The following RASGRF2 variants were observed in gnomAD, a reference collection of about 807,000 sequenced individuals.
RASGRF2 encodes the protein Ras protein specific guanine nucleotide releasing factor 2.
A neutral mutation model predicts 151.0 loss-of-function variants in RASGRF2; 76 were observed. The ratio of observed to expected loss-of-function variants is 0.50; its 90% CI spans 0.42 to 0.61. The LOEUF is 0.61. RASGRF2 is among the 20% of genes least tolerant of loss of function. RASGRF2 has a pLI of 0.00. For missense variants in RASGRF2, 1,148 were observed against 1,564.6 expected (o/e 0.73, Z 4.49); for synonymous variants, 504 against 566.5 (o/e 0.89, Z 1.57).
chr5:81,054,802 T>A (rs1301151536), intron 2 of RASGRF2, among the ~76,000 whole-genome samples: 2 of 145,644 alleles, frequency 1.4e-5, no homozygotes, highest in African/African-American at 5.2e-5. Flanking sequence ...TTTATTTCGT[T>A]GAGCAGTGGT....
At chr5:81,094,426 TA>T in intron 11 of RASGRF2, 64 bp downstream of exon 11, 2 of 1,431,412 alleles carry the variant, frequency 1.4e-6, no homozygotes, top group Non-Finnish European at 1.9e-6. Context: ...AGGCTGAGGA[TA>T]AACTCCCTAA....
chr5:80,981,514 CGT>C (rs746647844), intron 1 of RASGRF2, among the ~76,000 whole-genome samples: 76 of 151,058 alleles, frequency 5.0e-4, no homozygotes, highest in African/African-American at 1.7e-3. Context: ...TGTGTGAGTA[CGT>C]GTGTGTGTGT....
chr5:80,972,807 C>A (rs1372937343), intron 1 of RASGRF2, among the ~76,000 whole-genome samples: 1 of 152,166 alleles, frequency 6.6e-6, no homozygotes, highest in Non-Finnish European at 1.5e-5. Flanking sequence ...GCTTGTTCAA[C>A]CTTTACCCAT....
At chr5:81,143,552 CT>C (rs1208582188) in intron 17 of RASGRF2, among the ~76,000 whole-genome samples, 3 of 152,162 alleles carry the variant, frequency 2.0e-5, no homozygotes, top group Non-Finnish European at 4.4e-5. Flanking sequence ...CTCTCACTAT[CT>C]AATGATGATT....
intron 17 of RASGRF2, among the ~76,000 whole-genome samples, chr5:81,141,224 G>T (rs549336343): frequency 6.6e-6 from 1 of 152,282 alleles, no homozygotes; most frequent in South Asian, 2.1e-4. Flanking sequence ...AATATTAGCA[G>T]TAAACTCCTG....
At chr5:81,180,082 T>A in intron 17 of RASGRF2, 93 bp from the exon 18 acceptor site, 1 of 712,148 alleles carries the variant, frequency 1.4e-6, no homozygotes, top group Admixed American at 2.0e-5. Context: ...ATCTGTGAGT[T>A]TCGTTAACCA....
At chr5:81,185,373 GGTCCATGGGGA>G (rs1755004259) in intron 18 of RASGRF2, among the ~76,000 whole-genome samples, 1 of 152,192 alleles carries the variant, frequency 6.6e-6, no homozygotes, top group African/African-American at 2.4e-5. Context: ...GAACCAGATG[GGTCCATGGGGA>G]GTCCAATCTG....
chr5:81,116,328 C>T (rs183202685), intron 15 of RASGRF2, among the ~76,000 whole-genome samples: 1 of 152,158 alleles, frequency 6.6e-6, no homozygotes, highest in African/African-American at 2.4e-5. Context: ...GGTGTTCCAC[C>T]CGCCTCAGCC....
At chr5:81,083,141 T>C (rs1473642451) in intron 7 of RASGRF2, among the ~76,000 whole-genome samples, 2 of 152,244 alleles carry the variant, frequency 1.3e-5, no homozygotes, top group Non-Finnish European at 2.9e-5. Flanking sequence ...GAAATAGTCA[T>C]GGAGGTATTT....
At chr5:81,145,846 T>C (rs1274297505) in intron 17 of RASGRF2, among the ~76,000 whole-genome samples, 1 of 152,234 alleles carries the variant, frequency 6.6e-6, no homozygotes, top group Non-Finnish European at 1.5e-5. Flanking sequence ...AATAAGTGTT[T>C]GTTGTTTGAA....
chr5:81,089,908 T>A (rs770664494), intron 9 of RASGRF2, among the ~76,000 whole-genome samples: 18 of 152,250 alleles, frequency 1.2e-4, no homozygotes, highest in Non-Finnish European at 2.6e-4. Flanking sequence ...AATGACTTCC[T>A]ATTTTCAATA....
At chr5:81,099,420 A>G (rs896673543) in intron 12 of RASGRF2, among the ~76,000 whole-genome samples, 5 of 152,210 alleles carry the variant, frequency 3.3e-5, no homozygotes, top group African/African-American at 1.2e-4. Flanking sequence ...GAGGATTAAT[A>G]TATAATGAGG....
At chr5:80,975,083 C>G (rs898734275) in intron 1 of RASGRF2, among the ~76,000 whole-genome samples, 1 of 152,090 alleles carries the variant, frequency 6.6e-6, no homozygotes, top group African/African-American at 2.4e-5. Context: ...TTTGGCTCCT[C>G]AGTCCCATGA....
intron 1 of RASGRF2, among the ~76,000 whole-genome samples, chr5:81,034,668 A>C (rs1750402303): frequency 6.6e-6 from 1 of 151,698 alleles, no homozygotes; most frequent in African/African-American, 2.4e-5. Context: ...ATGAAATTGG[A>C]AATCATCATT....
rs565943536 is a variant in RASGRF2, at chr5:81,134,069, T to C, written c.2686+6906T>C. Among the ~76,000 whole-genome samples the C allele has an allele frequency of 1.8e-4, 24 of 135,586 alleles. No individual in the cohort carries two copies. The South Asian group carries it at 5.5e-3, about 31-fold the overall frequency. 88.9% of individuals were successfully genotyped at this position (135,586 alleles called of 152,430 possible). A position where few individuals can be genotyped will look rare whatever the true frequency, so the allele number is the denominator to read the frequency against. On this transcript the variant is annotated intron_variant, in intron 17 of 26. Coordinates refer to ENST00000265080, the MANE Select transcript of RASGRF2 (RefSeq NM_006909.3). ...TACTAATGTGAAGCCAAGTAGGAAA[T>C]GCTTGTGTGCGTGTGTGTGTGTGTG...
At chr5:81,139,187 TTAGA>T (rs1418926255) in intron 17 of RASGRF2, among the ~76,000 whole-genome samples, 1 of 152,158 alleles carries the variant, frequency 6.6e-6, no homozygotes, top group Non-Finnish European at 1.5e-5. Context: ...CCTTTTATTT[TTAGA>T]TAGTTTGTTG....
intron 18 of RASGRF2, among the ~76,000 whole-genome samples, chr5:81,197,462 CA>C (rs10674027): frequency 1.1e-4 from 7 of 63,716 alleles, no homozygotes; most frequent in African/African-American, 4.1e-4. Flanking sequence ...GACTCCGTCT[CA>C]AAAAAAAAAA....
chr5:80,981,914 A>C (rs575203557), intron 1 of RASGRF2, among the ~76,000 whole-genome samples: 1 of 152,336 alleles, frequency 6.6e-6, no homozygotes, highest in East Asian at 1.9e-4. Context: ...TCAATGGAAA[A>C]ATTACAGTGT....
In RASGRF2 at chr5:81,189,492, CT is replaced by C. The variant is rs1196446275; in HGVS notation, c.2793+9225del. 5.6e-3 allele frequency among the ~76,000 whole-genome samples: 780 copies of C among 139,664 alleles called. 2 individuals are homozygous for C. Among genetic ancestry groups the C allele is most frequent in the South Asian group, 0.011 (48 of 4,362 alleles). The allele number at this position is 139,664 out of a possible 152,430, so 91.6% of individuals were successfully genotyped here. A position where few individuals can be genotyped will look rare whatever the true frequency, so the allele number is the denominator to read the frequency against. ...TTTTTTGTTGTTTCTGTGTGTGTTT[CT>C]TTTTTTTTTTTTTAAGAGATGGGGT... On this transcript the variant is annotated intron_variant, in intron 18 of 26. Coordinates refer to ENST00000265080, the MANE Select transcript of RASGRF2 (RefSeq NM_006909.3).
Sources: allele counts gnomAD v4.1 joint callset (sites outside exome capture counted in the v4.1 genomes callset), GRCh38; gene constraint gnomAD v4.1.1; transcripts MANE v1.5; gene names NCBI Gene and HGNC (gene_info 2026-07-23, HGNC 2026-07-21).